NOL4: variants seen among roughly 807,000 people sequenced by gnomAD.
The protein encoded by NOL4 is nucleolar protein 4, also known as cancer/testis antigen 125.
Under a neutral mutation model 75.9 loss-of-function variants are expected in NOL4, and 17 were observed. The observed-to-expected ratio is 0.22, with a 90% CI of 0.15 to 0.34. NOL4 has a LOEUF of 0.34. Among genes scored for constraint, NOL4 ranks in the 10% least tolerant of loss-of-function variants. The probability of loss-of-function intolerance (pLI) is 1.00; values close to 1 mark genes in which losing one functional copy is unlikely to be tolerated. For missense variants in NOL4, 614 were observed against 793.5 expected (o/e 0.77, Z 2.72); for synonymous variants, 292 against 289.9 (o/e 1.01, Z -0.07).
At position 34,130,003 on chromosome 18, in the gene NOL4, A is replaced by G. The variant is rs374127351; in HGVS notation, c.282T>C (p.Asp94=). ...CTACCCGTCGTAAAGATAGCTTCTC[A>G]TCTACCCCTACGCCATCCTGGAAAC... is the stretch of plus-strand genomic sequence containing the variant. ...PVKTTDGVGV[D]EKLSLRRVAV... is the part of the protein sequence containing the mutation. Residue 94 remains aspartate, a synonymous_variant, in exon 2 of 11, where the codon GAT becomes GAC. Transcript: ENST00000261592. 3 of 1,592,314 alleles carry G rather than the reference A, an allele frequency of 1.9e-6. No individual in the cohort carries two copies. Among genetic ancestry groups the G allele is most frequent in the African/African-American group, 2.7e-5 (2 of 74,028 alleles).
intron 4 of NOL4, among the ~76,000 whole-genome samples, chr18:34,101,172 A>G (rs1368085703): frequency 6.6e-6 from 1 of 152,206 alleles, no homozygotes; most frequent in Non-Finnish European, 1.5e-5. Flanking sequence ...AAATCCAACT[A>G]AAATGTATAC....
chr18:34,075,016 A>T (rs1458261366), intron 5 of NOL4, among the ~76,000 whole-genome samples: 1 of 152,170 alleles, frequency 6.6e-6, no homozygotes, highest in East Asian at 1.9e-4. Context: ...TTTAAAACTC[A>T]GTATATTAAC....
chr18:33,974,867 C>A (rs1204015709), intron 6 of NOL4, among the ~76,000 whole-genome samples: 1 of 152,094 alleles, frequency 6.6e-6, no homozygotes, highest in Non-Finnish European at 1.5e-5. Context: ...ATTTGCATAC[C>A]CATATCCATG....
At chr18:33,982,648 CA>C (rs1393424898) in intron 6 of NOL4, among the ~76,000 whole-genome samples, 1 of 151,406 alleles carries the variant, frequency 6.6e-6, no homozygotes, top group Non-Finnish European at 1.5e-5. Context: ...TGGACATATC[CA>C]ACAGGCAGAA....
chr18:33,911,704 T>C (rs912109955), intron 9 of NOL4, among the ~76,000 whole-genome samples: 1 of 152,162 alleles, frequency 6.6e-6, no homozygotes, highest in African/African-American at 2.4e-5. Flanking sequence ...GGACTATAAT[T>C]TCCCCCCTCT....
At chr18:34,202,722 T>G (rs2035822339) in intron 1 of NOL4, among the ~76,000 whole-genome samples, 1 of 152,026 alleles carries the variant, frequency 6.6e-6, no homozygotes, top group Non-Finnish European at 1.5e-5. Context: ...TCAAATCCAC[T>G]GAATAATTGC....
chr18:34,187,370 C>CTTTTTTTTTTTTT (rs545524361), intron 1 of NOL4, among the ~76,000 whole-genome samples: 4 of 78,352 alleles, frequency 5.1e-5, no homozygotes, highest in African/African-American at 1.2e-4. Context: ...TAGTCCACTT[C>CTTTTTTTTTTTTT]TTTTTTTTTT....
chr18:34,138,983 T>C (rs1410926114), intron 1 of NOL4, among the ~76,000 whole-genome samples: 1 of 152,234 alleles, frequency 6.6e-6, no homozygotes, highest in Non-Finnish European at 1.5e-5. Context: ...TTACATTTAT[T>C]GATTTGCATA....
intron 1 of NOL4, among the ~76,000 whole-genome samples, chr18:34,194,461 C>T (rs5023135): frequency 1.8e-5 from 1 of 55,436 alleles, no homozygotes; most frequent in South Asian, 1.0e-3. Flanking sequence ...GGAAGGAAGG[C>T]AGGCAGGCAG....
At chr18:33,976,182 T>A (rs1438179973) in intron 6 of NOL4, among the ~76,000 whole-genome samples, 1 of 152,066 alleles carries the variant, frequency 6.6e-6, no homozygotes, top group East Asian at 1.9e-4. Context: ...CTTTATAAAA[T>A]GGGTTTAGAA....
intron 4 of NOL4, among the ~76,000 whole-genome samples, chr18:34,101,747 G>A (rs934917648): frequency 2.0e-5 from 3 of 151,888 alleles, no homozygotes; most frequent in African/African-American, 7.3e-5. Context: ...CCTTCTACTG[G>A]TGTCCCTGCA....
intron 9 of NOL4, among the ~76,000 whole-genome samples, chr18:33,887,163 T>C (rs1354597954): frequency 2.8e-5 from 4 of 145,424 alleles, no homozygotes; most frequent in Non-Finnish European, 6.0e-5. Flanking sequence ...TATGTGTATA[T>C]ATATATAGAT....
At chr18:33,991,769 C>T (rs777545106) in intron 6 of NOL4, among the ~76,000 whole-genome samples, 1 of 151,944 alleles carries the variant, frequency 6.6e-6, no homozygotes, top group East Asian at 1.9e-4. Context: ...ATTTCCCATG[C>T]TCAATAGCCA....
chr18:33,959,548 G>A (rs1343840399), intron 6 of NOL4, among the ~76,000 whole-genome samples: 1 of 151,932 alleles, frequency 6.6e-6, no homozygotes, highest in Non-Finnish European at 1.5e-5. Context: ...GCATATTCTA[G>A]GTAGTTTTGA....
intron 5 of NOL4, among the ~76,000 whole-genome samples, chr18:34,034,605 G>T (rs556843358): frequency 6.6e-6 from 1 of 152,180 alleles, no homozygotes; most frequent in African/African-American, 2.4e-5. Flanking sequence ...TGGGCATAGT[G>T]GTGCACACCG....
intron 1 of NOL4, chr18:34,221,276 T>G (rs528387100): frequency 3.0e-4 from 45 of 152,360 alleles, no homozygotes; most frequent in African/African-American, 9.6e-4. Context: ...AAAGATATCT[T>G]AAATGATTTT....
chr18:34,176,773 A>G (rs2146302531), intron 1 of NOL4, among the ~76,000 whole-genome samples: 1 of 152,196 alleles, frequency 6.6e-6, no homozygotes, highest in East Asian at 1.9e-4. Context: ...CCTTGATCTT[A>G]GACTTGCGTT....
chr18:33,929,060 C>T (rs1031803336), intron 9 of NOL4, among the ~76,000 whole-genome samples: 2 of 151,440 alleles, frequency 1.3e-5, no homozygotes, highest in African/African-American at 4.8e-5. Context: ...TCACTTTTCC[C>T]ATAGTCTCAT....
intron 9 of NOL4, among the ~76,000 whole-genome samples, chr18:33,940,881 C>G (rs116943438): frequency 1.1e-4 from 16 of 151,890 alleles, no homozygotes; most frequent in Non-Finnish European, 1.8e-4. Context: ...TCATTCTAGT[C>G]CCTACTCCTG....
Sources: gnomAD v4.1 joint callset for allele counts (sites outside exome capture counted in the v4.1 genomes callset) on GRCh38, gnomAD v4.1.1 for gene constraint, MANE v1.5 for transcripts, NCBI Gene and HGNC (gene_info 2026-07-23, HGNC 2026-07-21) for gene names.